PLA2G4C: variants seen among roughly 807,000 people sequenced by gnomAD.
The protein encoded by PLA2G4C is phospholipase A2 group IVC.
PLA2G4C carries 64 observed loss-of-function variants against 73.8 expected under a neutral mutation model. The ratio of observed to expected loss-of-function variants is 0.87; its 90% CI spans 0.71 to 1.07. The LOEUF (loss-of-function observed/expected upper bound fraction) is 1.07, where lower values mean the gene tolerates loss of function less well. Among genes scored for constraint, PLA2G4C ranks in the 50% least tolerant of loss-of-function variants. The probability of loss-of-function intolerance (pLI) is 0.00; values close to 1 mark genes in which losing one functional copy is unlikely to be tolerated. For missense variants in PLA2G4C, 622 were observed against 665.4 expected, an observed-to-expected ratio of 0.93 and a Z score of 0.72; for synonymous variants, 254 against 252.1, an observed-to-expected ratio of 1.01 and a Z score of -0.07.
intron 7 of PLA2G4C, among the ~76,000 whole-genome samples, chr19:48,092,514 T>C (rs2031364303): frequency 6.6e-6 from 1 of 152,212 alleles, no homozygotes; most frequent in African/African-American, 2.4e-5. Flanking sequence ...CATGTGTCCA[T>C]CGATGGATGA....
intron 7 of PLA2G4C, among the ~76,000 whole-genome samples, chr19:48,095,095 C>T (rs1181667248): frequency 2.6e-5 from 4 of 151,998 alleles, no homozygotes; most frequent in Non-Finnish European, 2.9e-5. Flanking sequence ...GCTATGTTGC[C>T]GAGGTTGGTC....
chr19:48,080,097 T>C (rs988113128), intron 10 of PLA2G4C, among the ~76,000 whole-genome samples: 1 of 150,882 alleles, frequency 6.6e-6, no homozygotes, highest in Non-Finnish European at 1.5e-5. Flanking sequence ...AAGACGATTA[T>C]ACAGAACCTA....
intron 14 of PLA2G4C, among the ~76,000 whole-genome samples, chr19:48,058,320 T>A (rs1445098590): frequency 6.7e-6 from 1 of 150,092 alleles, no homozygotes; most frequent in Non-Finnish European, 1.5e-5. Context: ...AAAATTTGTG[T>A]GGAGATGGGG....
intron 10 of PLA2G4C, among the ~76,000 whole-genome samples, chr19:48,079,681 C>T (rs1039087211): frequency 6.6e-6 from 1 of 152,200 alleles, no homozygotes; most frequent in African/African-American, 2.4e-5. Flanking sequence ...CAAAAATAAA[C>T]ATATGGATAT....
At chr19:48,080,880 C>T (rs112277641) in intron 10 of PLA2G4C, among the ~76,000 whole-genome samples, 3,803 of 149,636 alleles carry the variant, frequency 0.025, 183 homozygotes, top group African/African-American at 0.087. Flanking sequence ...TGGAACCAGC[C>T]GAGCATGGTG....
At chr19:48,097,244 C>CGTTTTTT (rs1568449148) in intron 6 of PLA2G4C, 1 of 66,634 alleles carries the variant, frequency 1.5e-5, no homozygotes, top group African/African-American at 7.1e-5. Flanking sequence ...TTACTTTTTT[C>CGTTTTTT]TTTTTTCTTT....
At chr19:48,099,907 G>A (rs781362472) in intron 4 of PLA2G4C, 47 bp from the exon 5 acceptor site, 9 of 1,348,236 alleles carry the variant, frequency 6.7e-6, no homozygotes, top group Admixed American at 3.5e-5. Flanking sequence ...AAGTGTGGAC[G>A]ATGAAGACTG....
intron 4 of PLA2G4C, among the ~76,000 whole-genome samples, chr19:48,100,940 G>A (rs1026175832): frequency 2.7e-5 from 4 of 147,396 alleles, no homozygotes; most frequent in African/African-American, 7.5e-5. Context: ...AGAAAAAAAA[G>A]ACTTTATATT....
intron 12 of PLA2G4C, among the ~76,000 whole-genome samples, chr19:48,069,851 G>A (rs1182633453): frequency 6.6e-6 from 1 of 151,978 alleles, no homozygotes; most frequent in African/African-American, 2.4e-5. Flanking sequence ...TGCAACCTCC[G>A]CCTCCTGCGC....
At chr19:48,087,844 G>T (rs1472116406) in intron 9 of PLA2G4C, among the ~76,000 whole-genome samples, 1 of 151,570 alleles carries the variant, frequency 6.6e-6, no homozygotes, top group Non-Finnish European at 1.5e-5. Context: ...TGCGGCAGGA[G>T]AATTCCTTGA....
rs182549586 is a variant in PLA2G4C, at chr19:48,069,928, C to A, written c.1007-2042G>T. Among the ~76,000 whole-genome samples the A allele has an allele frequency of 1.9e-3, 289 of 152,168 alleles. 1 individual carries two copies. Among genetic ancestry groups the A allele is most frequent in the African/African-American group, 6.8e-3 (281 of 41,514 alleles). On this transcript the variant is annotated intron_variant, in intron 12 of 16. Coordinates refer to ENST00000599921, the MANE Select transcript of PLA2G4C (RefSeq NM_003706.3). Reference sequence around the variant, plus strand: ...CACAGGCACCCACCACTACGCCCGGCTAAATATTTTTTTGTATTTGTAGTA... The same window carrying A: ...CACAGGCACCCACCACTACGCCCGGATAAATATTTTTTTGTATTTGTAGTA...
chr19:48,097,302 G>A (rs1455981061), intron 6 of PLA2G4C, among the ~76,000 whole-genome samples: 1 of 139,006 alleles, frequency 7.2e-6, no homozygotes, highest in Non-Finnish European at 1.5e-5. Flanking sequence ...GCCCAGGCTG[G>A]AGTGCTGTGG....
rs530597062 is a variant in PLA2G4C, at chr19:48,105,101, A to G, written c.120+232T>C. Among the ~76,000 whole-genome samples the G allele has an allele frequency of 8.2e-3, 1,179 of 143,912 alleles. 14 individuals carry two copies. The highest frequency in any genetic ancestry group is 0.03 in the African/African-American group (1,071 of 35,578). The allele number at this position is 143,912 out of a possible 152,430, so 94.4% of individuals were successfully genotyped here. A position where few individuals can be genotyped will look rare whatever the true frequency, so the allele number is the denominator to read the frequency against. On this transcript the variant is annotated intron_variant, in intron 3 of 16. Coordinates refer to ENST00000599921, the MANE Select transcript of PLA2G4C (RefSeq NM_003706.3). ...TTGTCTCAAAAAAAAAAAAAAAAAA[A>G]AAAGAAAGAAAAGAAAAGAAAAAGA...
At chr19:48,086,675 C>T (rs1051767583) in intron 9 of PLA2G4C, among the ~76,000 whole-genome samples, 16 of 152,270 alleles carry the variant, frequency 1.1e-4, no homozygotes, top group South Asian at 2.1e-4. Flanking sequence ...GGTGCTCCAC[C>T]TGCTGGGTGG....
At chr19:48,110,434 G>A in intron 1 of PLA2G4C, 53 bp downstream of exon 1, 4 of 1,313,774 alleles carry the variant, frequency 3.0e-6, no homozygotes, top group Non-Finnish European at 4.0e-6. Flanking sequence ...CCTGGTACTT[G>A]GTTATGGCCG....
At chr19:48,094,383 T>C (rs1010695071) in intron 7 of PLA2G4C, among the ~76,000 whole-genome samples, 32 of 152,242 alleles carry the variant, frequency 2.1e-4, no homozygotes, top group African/African-American at 7.7e-4. Flanking sequence ...GTCCTGCTCA[T>C]GACTGAATCC....
Position 48,062,191 on chromosome 19 carries a change from G to A in PLA2G4C, c.1103-39C>T, listed in dbSNP as rs147181724. The A allele has an allele frequency of 9.8e-5, 148 of 1,505,136 alleles. No individual in the cohort carries two copies. In the African/African-American group the frequency reaches 1.8e-3, roughly 18 times the overall value. 93.2% of individuals were successfully genotyped at this position (1,505,136 alleles called of 1,614,324 possible). A position where few individuals can be genotyped will look rare whatever the true frequency, so the allele number is the denominator to read the frequency against. On this transcript the variant is annotated intron_variant, in intron 13 of 16. Coordinates refer to ENST00000599921, the MANE Select transcript of PLA2G4C (RefSeq NM_003706.3). Reference sequence around the variant, plus strand: ...GAAGAAAGAGGATCAGCTGCTTCTGGGGACTGAAAGCAAGACTTGGAAATG... The same window carrying A: ...GAAGAAAGAGGATCAGCTGCTTCTGAGGACTGAAAGCAAGACTTGGAAATG...
intron 5 of PLA2G4C, 68 bp downstream of exon 5, chr19:48,099,603 G>T: frequency 1.8e-6 from 2 of 1,134,598 alleles, no homozygotes; most frequent in African/African-American, 1.6e-5. Context: ...CAGCATCTTT[G>T]GTAACCCCAC....
chr19:48,110,551 A>AGGCTTGGGCTCCGGAATCCGGTGCGGT lies in PLA2G4C; in HGVS notation c.-98_-97insACCGCACCGGATTCCGGAGCCCAAGCC. 2.6e-6 allele frequency: 4 copies of AGGCTTGGGCTCCGGAATCCGGTGCGGT among 1,519,908 alleles called. No individual in the cohort carries two copies. Among genetic ancestry groups the AGGCTTGGGCTCCGGAATCCGGTGCGGT allele is most frequent in the African/African-American group, 1.4e-5 (1 of 71,998 alleles). The allele number at this position is 1,519,908 out of a possible 1,614,324, so 94.2% of individuals were successfully genotyped here. A position where few individuals can be genotyped will look rare whatever the true frequency, so the allele number is the denominator to read the frequency against. The stretch of plus-strand genomic sequence containing the variant: ...GCTTGTGCTCCGGAATCCGGTGCGG[A>AGGCTTGGGCTCCGGAATCCGGTGCGGT]GGCTTGGGCTCCCTGCGCTTAGCGG... On this transcript the variant is annotated 5_prime_UTR_variant, in exon 1 of 17. Transcript: ENST00000599921.
Sources: allele counts gnomAD v4.1 joint callset (sites outside exome capture counted in the v4.1 genomes callset), GRCh38; gene constraint gnomAD v4.1.1; transcripts MANE v1.5; gene names NCBI Gene and HGNC (gene_info 2026-07-23, HGNC 2026-07-21).